FAT3: variants seen among roughly 807,000 people sequenced by gnomAD.
FAT3 encodes the protein FAT atypical cadherin 3.
FAT3 carries 95 observed loss-of-function variants against 310.2 expected under a neutral mutation model. The observed-to-expected ratio is 0.31, with a 90% confidence interval of 0.26 to 0.36. The LOEUF is 0.36. Ranked by LOEUF, FAT3 falls within the 10% of genes least tolerant of loss-of-function variation. The pLI is 1.00. For missense variants in FAT3, 5,408 were observed against 5,715.6 expected (o/e 0.95, Z 1.74); for synonymous variants, 2,314 against 2,192.9 (o/e 1.06, Z -1.54).
At chr11:92,527,929 G>A (rs1191860043) in intron 3 of FAT3, among the ~76,000 whole-genome samples, 1 of 152,148 alleles carries the variant, frequency 6.6e-6, no homozygotes, top group Non-Finnish European at 1.5e-5. Flanking sequence ...AATGGATGTT[G>A]ACTCTAGTAA....
intron 4 of FAT3, among the ~76,000 whole-genome samples, chr11:92,728,443 T>G: frequency 6.6e-6 from 1 of 152,186 alleles, no homozygotes; most frequent in Non-Finnish European, 1.5e-5. Context: ...CTTGCAGTGT[T>G]TACAAAGAAG....
intron 3 of FAT3, among the ~76,000 whole-genome samples, chr11:92,693,916 AAACT>A (rs1221345712): frequency 2.0e-5 from 3 of 152,168 alleles, no homozygotes; most frequent in African/African-American, 4.8e-5. Context: ...CCTGAGGCCT[AAACT>A]AACTAACCTA....
intron 4 of FAT3, among the ~76,000 whole-genome samples, chr11:92,716,512 T>G (rs1347495373): frequency 6.6e-6 from 1 of 152,170 alleles, no homozygotes; most frequent in Non-Finnish European, 1.5e-5. Context: ...AAAATTATCT[T>G]TTTACTTTTA....
chr11:92,842,913 TAAC>T (rs1948587428), intron 18 of FAT3, among the ~76,000 whole-genome samples: 1 of 152,076 alleles, frequency 6.6e-6, no homozygotes, highest in Non-Finnish European at 1.5e-5. Context: ...CAAATAAAAA[TAAC>T]AATCACATGA....
chr11:92,313,900 C>T (rs79864123), intron 1 of FAT3, among the ~76,000 whole-genome samples: 2,529 of 152,294 alleles, frequency 0.017, 78 homozygotes, highest in African/African-American at 0.057. Context: ...TTTTACTGTG[C>T]GATTTTGCAG....
chr11:92,860,139 T>G (rs1949085007), intron 21 of FAT3, among the ~76,000 whole-genome samples: 1 of 152,196 alleles, frequency 6.6e-6, no homozygotes, highest in Non-Finnish European at 1.5e-5. Context: ...ACAGAGACTC[T>G]TTCTCAAAAC....
intron 4 of FAT3, among the ~76,000 whole-genome samples, chr11:92,739,050 C>T (rs915905730): frequency 6.6e-6 from 1 of 152,082 alleles, no homozygotes; most frequent in Non-Finnish European, 1.5e-5. Flanking sequence ...CTCAAAAGCA[C>T]CAAGATAGAG....
intron 19 of FAT3, among the ~76,000 whole-genome samples, chr11:92,855,167 A>G (rs1235331298): frequency 6.6e-6 from 1 of 152,212 alleles, no homozygotes; most frequent in East Asian, 1.9e-4. Context: ...ACTGAGATGA[A>G]GTCACATGTG....
chr11:92,317,425 G>A (rs1010143359), intron 1 of FAT3, among the ~76,000 whole-genome samples: 2 of 152,134 alleles, frequency 1.3e-5, no homozygotes, highest in Admixed American at 6.6e-5. Flanking sequence ...TAAAGTGCTG[G>A]CCAAGGTAGC....
At chr11:92,311,346 G>A (rs556049603) in intron 1 of FAT3, among the ~76,000 whole-genome samples, 1 of 152,232 alleles carries the variant, frequency 6.6e-6, no homozygotes, top group South Asian at 2.1e-4. Context: ...TTTTATTGGG[G>A]ACGGAGATCC....
intron 4 of FAT3, among the ~76,000 whole-genome samples, chr11:92,698,831 G>A (rs1423298565): frequency 6.6e-6 from 1 of 152,066 alleles, no homozygotes; most frequent in African/African-American, 2.4e-5. Flanking sequence ...GACAGTCCAG[G>A]ACACCTGGAA....
At chr11:92,759,115 G>A (rs532725821) in intron 4 of FAT3, among the ~76,000 whole-genome samples, 1 of 152,176 alleles carries the variant, frequency 6.6e-6, no homozygotes, top group Non-Finnish European at 1.5e-5. Flanking sequence ...AGGAGATGGA[G>A]GAGTAATTGG....
chr11:92,883,093 C>G lies in FAT3; in HGVS notation c.12637C>G (p.Arg4213Gly). 1 of 1,613,818 alleles carries G rather than the reference C, an allele frequency of 6.2e-7. No individual in the cohort carries two copies. The highest frequency in any genetic ancestry group is 8.5e-7 in the Non-Finnish European group (1 of 1,179,900). The change falls in exon 24 of 28, where the codon CGC (arginine) becomes GGC (glycine). Residue 4213 changes from arginine (R) to glycine (G), a missense_variant. By Grantham distance (125) the Arg-to-Gly change is moderately radical. This residue lies in a region of FAT3 where 649 missense variants were observed against 666.2 expected (regional missense o/e 0.97). Coordinates refer to ENST00000525166, the MANE Select transcript of FAT3 (RefSeq NM_001367949.2). The surrounding 1 kb of genome is among the most constrained non-coding windows in gnomAD (Gnocchi z 4.2). ...KSNGIPFRNL[R>G]GSGDGRNVYQ... ...CAATGGCATCCCGTTCCGGAACCTG[C>G]GCGGCAGTGGGGACGGCCGCAACGT...
chr11:92,328,784 A>T (rs1032987625), intron 1 of FAT3, among the ~76,000 whole-genome samples: 2 of 152,178 alleles, frequency 1.3e-5, no homozygotes, highest in African/African-American at 4.8e-5. Flanking sequence ...GGCTTTCCAC[A>T]TATTTTAAAA....
intron 2 of FAT3, among the ~76,000 whole-genome samples, chr11:92,435,199 C>T (rs940062676): frequency 6.6e-6 from 1 of 152,160 alleles, no homozygotes; most frequent in African/African-American, 2.4e-5. Flanking sequence ...TCAGATGTTG[C>T]TCATAGACAA....
intron 3 of FAT3, among the ~76,000 whole-genome samples, chr11:92,615,360 C>T (rs1940751598): frequency 6.6e-6 from 1 of 152,182 alleles, no homozygotes; most frequent in African/African-American, 2.4e-5. Flanking sequence ...AATTCTCCCG[C>T]CTCAGCCTCC....
chr11:92,761,264 T>C (rs531268210), intron 4 of FAT3, among the ~76,000 whole-genome samples: 7 of 152,310 alleles, frequency 4.6e-5, no homozygotes, highest in Non-Finnish European at 4.4e-5. Context: ...CATGTCCTCA[T>C]ATGGTGGAAG....
chr11:92,347,916 T>G (rs1397391032), intron 1 of FAT3, among the ~76,000 whole-genome samples: 1 of 152,182 alleles, frequency 6.6e-6, no homozygotes, highest in Non-Finnish European at 1.5e-5. Context: ...TGTATCATAT[T>G]GGCTTCACAA....
chr11:92,292,935 C>T (rs944576676), intron 1 of FAT3, among the ~76,000 whole-genome samples: 10 of 151,522 alleles, frequency 6.6e-5, no homozygotes, highest in Admixed American at 3.9e-4. Flanking sequence ...ATTGCTTGAG[C>T]CTAGGAGTTG....
Sources: gnomAD v4.1 joint callset for allele counts (sites outside exome capture counted in the v4.1 genomes callset) on GRCh38, gnomAD v4.1.1 for gene constraint, gnomAD v4.1.1 regional missense constraint, Gnocchi (gnomAD v3.1) non-coding constraint, MANE v1.5 for transcripts, NCBI Gene and HGNC (gene_info 2026-07-23, HGNC 2026-07-21) for gene names.